The following DIAPH3 variants were observed in gnomAD, a reference collection of about 807,000 sequenced individuals.
DIAPH3 encodes the protein diaphanous related formin 3.
A neutral mutation model predicts 144.3 loss-of-function variants in DIAPH3; 117 were observed. That is an observed-to-expected ratio of 0.81 (90% CI 0.70 to 0.95). The LOEUF (loss-of-function observed/expected upper bound fraction) is 0.95, where lower values mean the gene tolerates loss of function less well. Among genes scored for constraint, DIAPH3 ranks in the 40% least tolerant of loss-of-function variants. The pLI is 0.00. For synonymous variants in DIAPH3, 519 were observed against 488.9 expected, an observed-to-expected ratio of 1.06 and a Z score of -0.81; for missense variants, 1,421 against 1,412.7, an observed-to-expected ratio of 1.01 and a Z score of -0.09.
rs1482328557 is a variant in DIAPH3, at chr13:59,666,139, T to A, written c.*445A>T. On this transcript the variant is annotated 3_prime_UTR_variant, in exon 28 of 28. Coordinates refer to ENST00000400324, the MANE Select transcript of DIAPH3 (RefSeq NM_001042517.2). Reference sequence around the variant, plus strand: ...CCAATTAAGGAGAAACTTGGGCCTATATAAACAATATATATGGAATATACA... The same window carrying A: ...CCAATTAAGGAGAAACTTGGGCCTAAATAAACAATATATATGGAATATACA... 1 of 158,636 alleles carries A rather than the reference T, an allele frequency of 6.3e-6. No homozygotes were observed. The highest frequency in any genetic ancestry group is 6.3e-5 in the Admixed American group (1 of 15,896). 9.8% of individuals were successfully genotyped at this position (158,636 alleles called of 1,614,324 possible).
chr13:59,961,491 G>A (rs570567738), intron 17 of DIAPH3, among the ~76,000 whole-genome samples: 11 of 152,298 alleles, frequency 7.2e-5, no homozygotes, highest in African/African-American at 2.4e-4. Context: ...ATAGAGGTAC[G>A]AAATGATGAA....
At chr13:59,848,473 C>T (rs972547532) in intron 22 of DIAPH3, among the ~76,000 whole-genome samples, 2 of 150,822 alleles carry the variant, frequency 1.3e-5, no homozygotes, top group East Asian at 3.9e-4. Flanking sequence ...CCGCTCCCCC[C>T]ACCCCACCAC....
intron 5 of DIAPH3, among the ~76,000 whole-genome samples, chr13:60,029,039 CAG>C (rs1159805048): frequency 7.0e-6 from 1 of 142,852 alleles, no homozygotes; most frequent in East Asian, 2.1e-4. Flanking sequence ...AGTCTGGTGA[CAG>C]AGCAAGACTC....
intron 5 of DIAPH3, among the ~76,000 whole-genome samples, chr13:60,032,206 G>T (rs930237971): frequency 1.3e-4 from 20 of 152,118 alleles, no homozygotes; most frequent in African/African-American, 4.8e-4. Context: ...AGCTTTTCCA[G>T]GTGTAGGGTG....
intron 5 of DIAPH3, among the ~76,000 whole-genome samples, chr13:60,028,107 CCTT>C (rs1443153236): frequency 1.3e-5 from 2 of 152,142 alleles, no homozygotes; most frequent in Non-Finnish European, 2.9e-5. Flanking sequence ...ATTCACATTT[CCTT>C]CTTCTTTGAA....
rs1157561638 is a variant in DIAPH3, at chr13:59,925,007, C to T, written c.2075-137G>A. ...ATAAAAGTTATAAAAACAAATAAAA[C>T]GATAGATATCCCAAGACCTGAACTG... On this transcript the variant is annotated intron_variant, in intron 17 of 27. Transcript: ENST00000400324. 74 of 1,402,848 alleles carry T rather than the reference C, an allele frequency of 5.3e-5. No individual in the cohort carries two copies. The Admixed American group carries it at 5.6e-4, about 11-fold the overall frequency. The allele number at this position is 1,402,848 out of a possible 1,614,324, so 86.9% of individuals were successfully genotyped here. A position where few individuals can be genotyped will look rare whatever the true frequency, so the allele number is the denominator to read the frequency against.
rs200288630 is a variant in DIAPH3 at position 59,668,844 on chromosome 13, T to C, written c.3320-1998A>G. Among the ~76,000 whole-genome samples, 4 of 148,354 alleles carry C rather than the reference T, an allele frequency of 2.7e-5. No individual in the cohort carries two copies. The South Asian group carries it at 6.5e-4, about 24-fold the overall frequency. On this transcript the variant is annotated intron_variant, in intron 27 of 27. Transcript: ENST00000400324. ...ATACACATATATATATATGTATGTA[T>C]ACACACACACACACACACACACAAA... is the stretch of plus-strand genomic sequence containing the variant.
chr13:59,831,818 A>G (rs1048576437), intron 24 of DIAPH3, among the ~76,000 whole-genome samples: 2 of 151,850 alleles, frequency 1.3e-5, no homozygotes, highest in East Asian at 3.9e-4. Flanking sequence ...TGCTGAATTA[A>G]CCCTTTACTG....
chr13:59,878,749 T>A (rs2044796577), intron 21 of DIAPH3, among the ~76,000 whole-genome samples: 1 of 152,152 alleles, frequency 6.6e-6, no homozygotes, highest in South Asian at 2.1e-4. Context: ...CCGAGTTGCA[T>A]ATATTTCCAA....
At chr13:59,750,640 T>C (rs752347574) in intron 27 of DIAPH3, among the ~76,000 whole-genome samples, 1 of 152,172 alleles carries the variant, frequency 6.6e-6, no homozygotes, top group Non-Finnish European at 1.5e-5. Flanking sequence ...GAGTTACCAG[T>C]ACAAACTGAA....
At chr13:59,775,169 G>A (rs576617176) in intron 25 of DIAPH3, among the ~76,000 whole-genome samples, 1 of 152,294 alleles carries the variant, frequency 6.6e-6, no homozygotes, top group South Asian at 2.1e-4. Context: ...TTCCTTTGTA[G>A]AGATGAGCTA....
intron 27 of DIAPH3, among the ~76,000 whole-genome samples, chr13:59,692,137 C>CTTT (rs56205887): frequency 1.7e-4 from 10 of 58,188 alleles, no homozygotes; most frequent in Admixed American, 4.7e-4. Flanking sequence ...TTGAGAAATT[C>CTTT]TTTTTTTTTT....
At chr13:60,066,891 T>TTAATCAA (rs2056989201) in intron 4 of DIAPH3, among the ~76,000 whole-genome samples, 1 of 152,240 alleles carries the variant, frequency 6.6e-6, no homozygotes, top group African/African-American at 2.4e-5. Context: ...TTAACCAAAA[T>TTAATCAA]GTATCAAAGT....
intron 4 of DIAPH3, among the ~76,000 whole-genome samples, chr13:60,082,886 G>A (rs1323650913): frequency 6.6e-6 from 1 of 152,018 alleles, no homozygotes; most frequent in East Asian, 1.9e-4. Context: ...GACATAGTAG[G>A]ACAAAAATAG....
chr13:59,935,291 C>T (rs1220799446), intron 17 of DIAPH3, among the ~76,000 whole-genome samples: 2 of 152,110 alleles, frequency 1.3e-5, no homozygotes, highest in African/African-American at 4.8e-5. Flanking sequence ...AGAAGGATGA[C>T]TCTGGTTCCA....
At chr13:60,102,772 C>A (rs1203214347) in intron 3 of DIAPH3, among the ~76,000 whole-genome samples, 1 of 152,132 alleles carries the variant, frequency 6.6e-6, no homozygotes, top group Non-Finnish European at 1.5e-5. Flanking sequence ...AATATAACGA[C>A]TGACCCCTGC....
At chr13:60,142,575 C>A (rs1175548705) in intron 1 of DIAPH3, among the ~76,000 whole-genome samples, 1 of 152,124 alleles carries the variant, frequency 6.6e-6, no homozygotes, top group East Asian at 1.9e-4. Flanking sequence ...GGTCTACATG[C>A]AGATGGTAAT....
rs918360081 is a variant in DIAPH3 at position 59,937,767 on chromosome 13, C to T, written c.2075-12897G>A. Among the ~76,000 whole-genome samples the T allele has an allele frequency of 2.6e-5, 4 of 152,114 alleles. No homozygotes were observed. In the East Asian group the frequency reaches 7.7e-4, roughly 29 times the overall value. ...AACTTACTTCTATATTTGATGACAG[C>T]ATGCCTATAATTTTGTGATCTTGTT... On this transcript the variant is annotated intron_variant, in intron 17 of 27. Coordinates refer to ENST00000400324, the MANE Select transcript of DIAPH3 (RefSeq NM_001042517.2).
intron 2 of DIAPH3, among the ~76,000 whole-genome samples, chr13:60,132,686 G>A (rs1030604214): frequency 1.3e-5 from 2 of 151,982 alleles, no homozygotes; most frequent in African/African-American, 4.8e-5. Flanking sequence ...CATTCCTAAA[G>A]AATGAGAGTT....
Sources: allele counts gnomAD v4.1 joint callset (sites outside exome capture counted in the v4.1 genomes callset), GRCh38; gene constraint gnomAD v4.1.1; transcripts MANE v1.5; gene names NCBI Gene and HGNC (gene_info 2026-07-23, HGNC 2026-07-21).